Variants in UBR3 observed in about 807,000 individuals in gnomAD.
UBR3 encodes ubiquitin protein ligase E3 component n-recognin 3, also known as E3 ubiquitin-protein ligase UBR3.
In UBR3, 85 loss-of-function variants were observed where a neutral mutation model predicts 243.2. The ratio of observed to expected loss-of-function variants is 0.35; its 90% CI spans 0.29 to 0.42. The LOEUF (loss-of-function observed/expected upper bound fraction) is 0.42, where lower values mean the gene tolerates loss of function less well. Among genes scored for constraint, UBR3 ranks in the 10% least tolerant of loss-of-function variants. The pLI is 1.00. For synonymous variants in UBR3, 748 were observed against 799.8 expected (o/e 0.94, Z 1.09); for missense variants, 1,686 against 2,300.8 (o/e 0.73, Z 5.47).
At chr2:170,005,129 C>A (rs2089865439) in intron 27 of UBR3, among the ~76,000 whole-genome samples, 1 of 152,114 alleles carries the variant, frequency 6.6e-6, no homozygotes, top group African/African-American at 2.4e-5. Flanking sequence ...GAGGCTGAGG[C>A]AGGAGAATGG....
At chr2:169,876,535 TG>T (rs2083619358) in intron 3 of UBR3, among the ~76,000 whole-genome samples, 2 of 131,884 alleles carry the variant, frequency 1.5e-5, no homozygotes, top group Admixed American at 7.3e-5. Flanking sequence ...CTCTCTTTAT[TG>T]TATTGTATTG....
rs192210128 is a variant in UBR3, at chr2:169,842,037, A to G, written c.545+13985A>G. Among the ~76,000 whole-genome samples the G allele has an allele frequency of 8.1e-3, 1,239 of 152,314 alleles. 14 individuals carry two copies. Among genetic ancestry groups the G allele is most frequent in the Middle Eastern group, 0.054 (16 of 294 alleles). On this transcript the variant is annotated intron_variant, in intron 1 of 38. Coordinates refer to ENST00000272793, the MANE Select transcript of UBR3 (RefSeq NM_172070.4). ...CGTGGAGAGTCTTTATATCTAGCTC[A>G]GGGATTGTAAATACACCAATCAGCA...
At position 170,012,453 on chromosome 2, in the gene UBR3, A is replaced by G. The variant is rs2090113375; in HGVS notation, c.4368-2828A>G. 2.0e-5 allele frequency among the ~76,000 whole-genome samples: 3 copies of G among 152,258 alleles called. No homozygotes were observed. The South Asian group carries it at 6.2e-4, about 32-fold the overall frequency. ...CCATGAATTTACAGTTTAGTTGGAG[A>G]GATGGAACTAATATAACATCAATCT... On this transcript the variant is annotated intron_variant, in intron 29 of 38. Transcript: ENST00000272793.
At chr2:169,852,222 A>G (rs747131611) in intron 1 of UBR3, among the ~76,000 whole-genome samples, 2 of 152,218 alleles carry the variant, frequency 1.3e-5, no homozygotes, top group Non-Finnish European at 2.9e-5. Flanking sequence ...TTTCTGTTTT[A>G]AACCCTTTCT....
rs145594271 is a variant in UBR3, at chr2:169,879,130, A to G, written c.1038+556A>G. Among the ~76,000 whole-genome samples the G allele has an allele frequency of 5.4e-3, 822 of 151,748 alleles. 3 individuals are homozygous for G. The highest frequency in any genetic ancestry group is 9.7e-3 in the Non-Finnish European group (661 of 67,910). On this transcript the variant is annotated intron_variant, in intron 5 of 38. Coordinates refer to ENST00000272793, the MANE Select transcript of UBR3 (RefSeq NM_172070.4). ...TAGGAAAAATCATTGTTATATTTCTATATTTTATTACATAATTTATAAGAG... is the reference window on the plus strand; with the variant it reads ...TAGGAAAAATCATTGTTATATTTCTGTATTTTATTACATAATTTATAAGAG...
intron 1 of UBR3, among the ~76,000 whole-genome samples, chr2:169,831,662 G>C (rs946339499): frequency 6.6e-6 from 1 of 152,082 alleles, no homozygotes; most frequent in African/African-American, 2.4e-5. Flanking sequence ...TGCCTCAAGA[G>C]AAATAGGTGA....
At chr2:170,054,575 C>T (rs2091292024) in intron 32 of UBR3, among the ~76,000 whole-genome samples, 1 of 151,974 alleles carries the variant, frequency 6.6e-6, no homozygotes, top group East Asian at 1.9e-4. Context: ...AGCCACCGCC[C>T]CTGGCCACAC....
chr2:169,946,303 C>G lies in UBR3; in HGVS notation c.2821C>G (p.Gln941Glu), dbSNP rs1437565985. The G allele has an allele frequency of 2.7e-6, 4 of 1,491,558 alleles. No individual in the cohort carries two copies. Among genetic ancestry groups the G allele is most frequent in the Admixed American group, 2.4e-5 (1 of 41,182 alleles). 92.4% of individuals were successfully genotyped at this position (1,491,558 alleles called of 1,614,324 possible). ...CTTTTTAAAGATTTTGATGGATCAT[C>G]AAAATCTGTCAGAACATGTACTCTG... The part of the protein sequence containing the change: ...TLLYKILMDH[Q>E]NLSEHVLCMV... Residue 941 changes from glutamine to glutamate, a missense_variant, in exon 21 of 39, where the codon CAA becomes GAA. By Grantham distance (29) the Gln-to-Glu change is conservative. Transcript: ENST00000272793.
In UBR3 at chr2:170,083,939, A is replaced by G. The variant is rs967500227; in HGVS notation, c.*2096A>G. The stretch of plus-strand genomic sequence containing the variant: ...AAAATAACAGGTCCAAGTTAGAGTG[A>G]TGTGTGTATATTATTCAAAAAAATG... On this transcript the variant is annotated 3_prime_UTR_variant, in exon 39 of 39. Transcript: ENST00000272793. The G allele has an allele frequency of 2.0e-5, 3 of 152,584 alleles. No individual in the cohort carries two copies. Among genetic ancestry groups the G allele is most frequent in the Non-Finnish European group, 2.9e-5 (2 of 68,000 alleles). 9.5% of individuals were successfully genotyped at this position (152,584 alleles called of 1,614,324 possible).
chr2:170,076,955 C>T (rs192070452), intron 36 of UBR3, among the ~76,000 whole-genome samples: 6 of 152,298 alleles, frequency 3.9e-5, no homozygotes, highest in Admixed American at 2.6e-4. Flanking sequence ...TGGTCAATCC[C>T]TCCAGGCAAT....
intron 24 of UBR3, among the ~76,000 whole-genome samples, chr2:169,961,209 A>G (rs919801988): frequency 6.6e-6 from 1 of 151,938 alleles, no homozygotes; most frequent in East Asian, 1.9e-4. Context: ...AATCTGGTCC[A>G]TTTGTTCTCC....
chr2:170,046,126 C>G (rs1253857657), intron 32 of UBR3, among the ~76,000 whole-genome samples: 1 of 152,048 alleles, frequency 6.6e-6, no homozygotes, highest in Non-Finnish European at 1.5e-5. Flanking sequence ...GCTACCACAC[C>G]TGGCTAATTT....
chr2:169,844,341 CT>C (rs901296217), intron 1 of UBR3, among the ~76,000 whole-genome samples: 3 of 151,984 alleles, frequency 2.0e-5, no homozygotes, highest in Admixed American at 6.6e-5. Flanking sequence ...TTATTCAGTA[CT>C]TTTTTTTCTT....
intron 28 of UBR3, 43 bp downstream of exon 28, chr2:170,007,233 T>C (rs1336349851): frequency 1.3e-6 from 2 of 1,531,056 alleles, no homozygotes; most frequent in Non-Finnish European, 1.8e-6. Context: ...TTAACTCAGC[T>C]CTGATTTTCT....
chr2:169,855,266 T>C lies in UBR3; in HGVS notation c.546-16970T>C, dbSNP rs566953385. Among the ~76,000 whole-genome samples, 4 of 152,352 alleles carry C rather than the reference T, an allele frequency of 2.6e-5. No individual in the cohort carries two copies. The East Asian group carries it at 5.8e-4, about 22-fold the overall frequency. ...ATACTTTTGATAAATTTTTGCCAGA[T>C]TGTTCTCATATATAATACGCTAATT... On this transcript the variant is annotated intron_variant, in intron 1 of 38. Transcript: ENST00000272793.
intron 13 of UBR3, 51 bp from the exon 14 acceptor site, chr2:169,925,568 G>C: frequency 6.9e-7 from 1 of 1,458,744 alleles, no homozygotes; most frequent in South Asian, 1.3e-5. Flanking sequence ...ATAATATTTT[G>C]TAAAGATTGC....
rs60845808 is a variant in UBR3 at position 169,836,067 on chromosome 2, A to ATTT, written c.545+8039_545+8041dup. 1.5e-3 allele frequency among the ~76,000 whole-genome samples: 48 copies of ATTT among 32,664 alleles called. 8 individuals carry two copies. The highest frequency in any genetic ancestry group is 1.6e-3 in the Non-Finnish European group (31 of 19,550). The allele number at this position is 32,664 out of a possible 152,430, so 21.4% of individuals were successfully genotyped here. A position where few individuals can be genotyped will look rare whatever the true frequency, so the allele number is the denominator to read the frequency against. ...TCTATATATATATATATATATATAT[A>ATTT]TTTTTTTTTTTTTTTTTTTTTTTTT... is the stretch of plus-strand genomic sequence containing the variant. On this transcript the variant is annotated intron_variant, in intron 1 of 38. Coordinates refer to ENST00000272793, the MANE Select transcript of UBR3 (RefSeq NM_172070.4).
At chr2:169,901,966 G>T (rs2084839843) in intron 8 of UBR3, among the ~76,000 whole-genome samples, 1 of 152,096 alleles carries the variant, frequency 6.6e-6, no homozygotes, top group South Asian at 2.1e-4. Context: ...ATATTGTTTG[G>T]ATGTCTATAA....
At chr2:169,958,551 A>G (rs2105367552) in intron 24 of UBR3, 25 bp downstream of exon 24, 2 of 1,593,828 alleles carry the variant, frequency 1.3e-6, no homozygotes, top group Non-Finnish European at 1.7e-6. Context: ...TTAGTTTAGA[A>G]CTCTCATAAT....
Sources: allele counts gnomAD v4.1 joint callset (sites outside exome capture counted in the v4.1 genomes callset), GRCh38; gene constraint gnomAD v4.1.1; transcripts MANE v1.5; gene names NCBI Gene and HGNC (gene_info 2026-07-23, HGNC 2026-07-21).